Variants in RORB observed in about 807,000 individuals in gnomAD.
RORB encodes the protein RAR related orphan receptor B.
Under a neutral mutation model 59.1 loss-of-function variants are expected in RORB, and 6 were observed. The ratio of observed to expected loss-of-function variants is 0.10; its 90% CI spans 0.06 to 0.20. RORB has a LOEUF of 0.20. RORB is among the 10% of genes least tolerant of loss of function. The pLI is 1.00. For missense variants in RORB, 320 were observed against 560.5 expected, an observed-to-expected ratio of 0.57 and a Z score of 4.33; for synonymous variants, 215 against 204.5, an observed-to-expected ratio of 1.05 and a Z score of -0.44.
chr9:74,604,513 T>C (rs1199693097), intron 1 of RORB, among the ~76,000 whole-genome samples: 1 of 152,218 alleles, frequency 6.6e-6, no homozygotes, highest in Non-Finnish European at 1.5e-5. Context: ...CAATATATAT[T>C]GTTCTTTAGT....
chr9:74,631,990 C>T (rs915118355), intron 2 of RORB, among the ~76,000 whole-genome samples: 2 of 152,146 alleles, frequency 1.3e-5, no homozygotes, highest in Non-Finnish European at 2.9e-5. Context: ...ATTCTATTGG[C>T]TTGTTATGCA....
chr9:74,531,596 G>A (rs1286424198), intron 1 of RORB, among the ~76,000 whole-genome samples: 1 of 151,860 alleles, frequency 6.6e-6, no homozygotes, highest in Non-Finnish European at 1.5e-5. Context: ...CTAAACTTAG[G>A]ATATGTATAA....
At chr9:74,676,902 G>C (rs1238217301) in intron 9 of RORB, among the ~76,000 whole-genome samples, 1 of 152,218 alleles carries the variant, frequency 6.6e-6, no homozygotes, top group Non-Finnish European at 1.5e-5. Context: ...TCTAAGGGTA[G>C]CCATGGAAAG....
rs144362735 is a variant in RORB, at chr9:74,625,137, G to T, written c.8-5145G>T. Among the ~76,000 whole-genome samples the T allele has an allele frequency of 5.4e-3, 825 of 152,294 alleles. 5 individuals are homozygous for T. Among genetic ancestry groups the T allele is most frequent in the Non-Finnish European group, 6.9e-3 (467 of 68,024 alleles). On this transcript the variant is annotated intron_variant, in intron 1 of 9. Transcript: ENST00000376896. ...TCCTGGTGACTCTTTAAAATGTTCA[G>T]ATCTGGCCTGTCCCTGGGTTTTTCC... is the stretch of plus-strand genomic sequence containing the variant.
chr9:74,652,797 T>C (rs976642602), intron 4 of RORB, among the ~76,000 whole-genome samples: 5 of 152,120 alleles, frequency 3.3e-5, no homozygotes, highest in African/African-American at 1.2e-4. Context: ...GGTTGGACCA[T>C]GAACTGAGCC....
At chr9:74,531,181 T>A (rs12002267) in intron 1 of RORB, among the ~76,000 whole-genome samples, 2,393 of 152,078 alleles carry the variant, frequency 0.016, 49 homozygotes, top group African/African-American at 0.047. Flanking sequence ...ATGAGTGAGC[T>A]CACATCTTTG....
chr9:74,541,279 C>CAAAAAAAAAAAAAAAAAAAAA lies in RORB; in HGVS notation c.7+43303_7+43323dup, dbSNP rs374556016. Among the ~76,000 whole-genome samples, 12 of 43,574 alleles carry CAAAAAAAAAAAAAAAAAAAAA rather than the reference C, an allele frequency of 2.8e-4. 1 individual carries two copies. The highest frequency in any genetic ancestry group is 1.6e-3 in the African/African-American group (10 of 6,256). The allele number at this position is 43,574 out of a possible 152,430, so 28.6% of individuals were successfully genotyped here. A position where few individuals can be genotyped will look rare whatever the true frequency, so the allele number is the denominator to read the frequency against. ...TGGGCAACAGAAAGAGACTCCATCT[C>CAAAAAAAAAAAAAAAAAAAAA]AAAAAAAAAAAAAAAAAAAAAAAAA... On this transcript the variant is annotated intron_variant, in intron 1 of 9. Transcript: ENST00000376896.
At chr9:74,616,270 C>A (rs974556200) in intron 1 of RORB, among the ~76,000 whole-genome samples, 2 of 151,924 alleles carry the variant, frequency 1.3e-5, no homozygotes, top group Non-Finnish European at 2.9e-5. Context: ...ATTGTAATTT[C>A]CTTGCTAGTA....
intron 1 of RORB, among the ~76,000 whole-genome samples, chr9:74,549,978 C>T (rs1300372688): frequency 6.6e-6 from 1 of 152,104 alleles, no homozygotes; most frequent in East Asian, 1.9e-4. Context: ...GATCTGCCTG[C>T]CTCAGCCTCC....
At chr9:74,569,418 T>A (rs550202595) in intron 1 of RORB, among the ~76,000 whole-genome samples, 1 of 152,252 alleles carries the variant, frequency 6.6e-6, no homozygotes, top group East Asian at 1.9e-4. Flanking sequence ...ATGTCAATGC[T>A]ATTTTGTTGT....
intron 1 of RORB, among the ~76,000 whole-genome samples, chr9:74,584,191 C>T (rs1190861198): frequency 6.6e-6 from 1 of 152,188 alleles, no homozygotes; most frequent in Admixed American, 6.5e-5. Flanking sequence ...TTGCTATTCC[C>T]TGTGCGGTCT....
chr9:74,536,316 G>A (rs1275044918), intron 1 of RORB, among the ~76,000 whole-genome samples: 1 of 151,936 alleles, frequency 6.6e-6, no homozygotes, highest in Non-Finnish European at 1.5e-5. Flanking sequence ...GAGGGAAGAG[G>A]AGAAGGAGAA....
At chr9:74,659,774 A>G (rs933882555) in intron 4 of RORB, among the ~76,000 whole-genome samples, 2 of 152,126 alleles carry the variant, frequency 1.3e-5, no homozygotes, top group Non-Finnish European at 2.9e-5. Flanking sequence ...CTATTGCTCA[A>G]CTTTCATGTC....
At chr9:74,569,048 G>T (rs1025916534) in intron 1 of RORB, among the ~76,000 whole-genome samples, 4 of 152,026 alleles carry the variant, frequency 2.6e-5, no homozygotes, top group South Asian at 2.1e-4. Flanking sequence ...TAGCTGAACA[G>T]GTTGTTGCTA....
At chr9:74,610,141 T>C (rs1347622879) in intron 1 of RORB, among the ~76,000 whole-genome samples, 4 of 152,244 alleles carry the variant, frequency 2.6e-5, no homozygotes, top group Non-Finnish European at 5.9e-5. Context: ...CTCATGACAA[T>C]ATTGATTATA....
At chr9:74,544,328 T>G (rs1193877613) in intron 1 of RORB, among the ~76,000 whole-genome samples, 1 of 152,180 alleles carries the variant, frequency 6.6e-6, no homozygotes, top group Non-Finnish European at 1.5e-5. Flanking sequence ...ACGCAAAGAC[T>G]GTTCTTCGGT....
intron 1 of RORB, among the ~76,000 whole-genome samples, chr9:74,596,471 C>A (rs1020825626): frequency 1.3e-5 from 2 of 152,166 alleles, no homozygotes; most frequent in African/African-American, 4.8e-5. Flanking sequence ...CCTTGTGAGA[C>A]TTCATGGTTC....
chr9:74,636,611 C>G (rs1012720595), intron 3 of RORB, among the ~76,000 whole-genome samples: 1 of 152,158 alleles, frequency 6.6e-6, no homozygotes, highest in Non-Finnish European at 1.5e-5. Flanking sequence ...CAAATAAGAG[C>G]AATATAGTGT....
intron 1 of RORB, among the ~76,000 whole-genome samples, chr9:74,563,916 CCAG>C (rs1822435640): frequency 6.6e-6 from 1 of 152,156 alleles, no homozygotes; most frequent in South Asian, 2.1e-4. Flanking sequence ...GCAGGAAAGA[CCAG>C]TGATGTGCTT....
Sources: gnomAD v4.1 joint callset for allele counts (sites outside exome capture counted in the v4.1 genomes callset) on GRCh38, gnomAD v4.1.1 for gene constraint, MANE v1.5 for transcripts, NCBI Gene and HGNC (gene_info 2026-07-23, HGNC 2026-07-21) for gene names.